TMEM170A: variants seen among roughly 807,000 people sequenced by gnomAD.
The protein encoded by TMEM170A is transmembrane protein 170A, also known as transmembrane protein 170.
In TMEM170A, 18 loss-of-function variants were observed where a neutral mutation model predicts 12.8. The observed-to-expected ratio is 1.41, with a 90% confidence interval of 0.97 to 2.09. TMEM170A has a LOEUF of 2.09. TMEM170A is among the 30% of genes most tolerant of loss of function. TMEM170A has a pLI of 0.00. For missense variants in TMEM170A, 220 were observed against 179.9 expected (o/e 1.22, Z -1.28); for synonymous variants, 107 against 76.2 (o/e 1.40, Z -2.11).
At chr16:75,463,492 G>A (rs1294548537) in intron 1 of TMEM170A, among the ~76,000 whole-genome samples, 1 of 152,126 alleles carries the variant, frequency 6.6e-6, no homozygotes, top group Non-Finnish European at 1.5e-5. Flanking sequence ...TCCGCTGAAC[G>A]GCGCCTGGCA....
At position 75,454,784 on chromosome 16, in the gene TMEM170A, C is replaced by G. The variant is rs573334857; in HGVS notation, c.134-2945G>C. On this transcript the variant is annotated intron_variant, in intron 1 of 2. Transcript: ENST00000561878. ...TAACGGTTGTCATGACATTATTCCACAGGCCCCACCTGACACTCCTAGTTG... is the reference window on the plus strand; with the variant it reads ...TAACGGTTGTCATGACATTATTCCAGAGGCCCCACCTGACACTCCTAGTTG... Among the ~76,000 whole-genome samples the G allele has an allele frequency of 2.0e-5, 3 of 152,304 alleles. No homozygotes were observed. The East Asian group carries it at 5.8e-4, about 29-fold the overall frequency.
intron 1 of TMEM170A, among the ~76,000 whole-genome samples, chr16:75,454,460 A>ACACG (rs67682621): frequency 1.0e-4 from 1 of 9,812 alleles, no homozygotes; most frequent in African/African-American, 2.2e-4. Flanking sequence ...CTCTAAAAAT[A>ACACG]CACACACATA....
At chr16:75,458,884 C>T (rs1381417195) in intron 1 of TMEM170A, 1 of 152,086 alleles carries the variant, frequency 6.6e-6, no homozygotes, top group Non-Finnish European at 1.5e-5. Context: ...TATATTTTTA[C>T]AGAGACATAT....
Position 75,443,265 on chromosome 16 carries a change from T to TA in TMEM170A, c.*4292dup, listed in dbSNP as rs1324282321. On this transcript the variant is annotated 3_prime_UTR_variant, in exon 3 of 3. Coordinates refer to ENST00000561878, the MANE Select transcript of TMEM170A (RefSeq NM_145254.3). ...AGAATTGAAAGTAATTTTTTATTGATAAACATTTACACTAGAATTAGAAAT... is the reference window on the plus strand; with the variant it reads ...AGAATTGAAAGTAATTTTTTATTGATAAAACATTTACACTAGAATTAGAAAT... 6.6e-6 allele frequency: 1 copy of TA among 152,220 alleles called. No homozygotes were observed. The allele number at this position is 152,220 out of a possible 1,614,324, so 9.4% of individuals were successfully genotyped here. A position where few individuals can be genotyped will look rare whatever the true frequency, so the allele number is the denominator to read the frequency against.
intron 1 of TMEM170A, among the ~76,000 whole-genome samples, 163 bp from the exon 2 acceptor site, chr16:75,452,002 C>A (rs1027275107): frequency 6.6e-6 from 1 of 151,942 alleles, no homozygotes; most frequent in East Asian, 1.9e-4. Flanking sequence ...GACGGAGTCT[C>A]GCTCTGTCAC....
chr16:75,464,376 C>G (rs1003524489), intron 1 of TMEM170A, 92 bp downstream of exon 1: 3 of 1,377,738 alleles, frequency 2.2e-6, no homozygotes, highest in Non-Finnish European at 2.8e-6. Context: ...CAGCAGGCTG[C>G]GCACCCGGGA....
At position 75,444,984 on chromosome 16, in the gene TMEM170A, T is replaced by TTA. The variant is rs1383851281; in HGVS notation, c.*2572_*2573dup. The stretch of plus-strand genomic sequence containing the variant: ...GCCCACTAACTACTGGTCTATATGT[T>TTA]TAGTGTATGAAATTACATCCAAAGA... On this transcript the variant is annotated 3_prime_UTR_variant, in exon 3 of 3. Transcript: ENST00000561878. The TTA allele has an allele frequency of 6.6e-6, 1 of 152,122 alleles. No individual in the cohort carries two copies. Among genetic ancestry groups the TTA allele is most frequent in the Non-Finnish European group, 1.5e-5 (1 of 67,986 alleles). The allele number at this position is 152,122 out of a possible 1,614,324, so 9.4% of individuals were successfully genotyped here.
chr16:75,458,689 C>T (rs570349344), intron 1 of TMEM170A: 20 of 152,304 alleles, frequency 1.3e-4, no homozygotes, highest in African/African-American at 3.4e-4. Flanking sequence ...ACAATAAAAT[C>T]TGTATGGCTT....
Position 75,464,594 on chromosome 16 carries a change from G to A in TMEM170A, c.7C>T (p.Arg3Cys), listed in dbSNP as rs747386591. 4.4e-6 allele frequency: 7 copies of A among 1,583,664 alleles called. No homozygotes were observed. The South Asian group carries it at 4.5e-5, about 10-fold the overall frequency. Residue 3 changes from arginine (R) to cysteine (C), a missense_variant, in exon 1 of 3, where the codon CGC becomes TGC. Physicochemically the swap from Arg to Cys is radical, Grantham distance 180 (BLOSUM62 -3). Coordinates refer to ENST00000561878, the MANE Select transcript of TMEM170A (RefSeq NM_145254.3). MEREGSGGSGGSA... is the reference protein window; with the variant it reads MECEGSGGSGGSA... ...CCGCCGCTGCCGCCGCTCCCCTCGC[G>A]CTCCATCCCGTCGCCATTCACCACA...
chr16:75,451,534 AG>A, intron 2 of TMEM170A, 134 bp downstream of exon 2: 1 of 898,060 alleles, frequency 1.1e-6, no homozygotes. Context: ...TTGGTGACAT[AG>A]GGAGACCCTG....
intron 1 of TMEM170A, among the ~76,000 whole-genome samples, chr16:75,453,774 T>C (rs958894363): frequency 3.9e-5 from 6 of 152,236 alleles, no homozygotes; most frequent in Admixed American, 3.3e-4. Context: ...AGAACTCTAA[T>C]CACTCTTAAG....
chr16:75,452,580 G>A (rs757400439), intron 1 of TMEM170A: 1 of 152,192 alleles, frequency 6.6e-6, no homozygotes, highest in East Asian at 1.9e-4. Context: ...CAAAGTGCTA[G>A]GATAACAGGC....
intron 2 of TMEM170A, chr16:75,451,344 G>A (rs1241105845): frequency 4.7e-6 from 2 of 425,834 alleles, no homozygotes; most frequent in Non-Finnish European, 8.4e-6. Context: ...GAGCTCAGGA[G>A]TTCGAGACCC....
At chr16:75,451,966 T>G (rs1353555819) in intron 1 of TMEM170A, 127 bp from the exon 2 acceptor site, 3 of 878,690 alleles carry the variant, frequency 3.4e-6, no homozygotes, top group Non-Finnish European at 5.1e-6. Context: ...TTTGAAAAAT[T>G]TTTATTATTT....
At position 75,464,339 on chromosome 16, in the gene TMEM170A, C is replaced by A. The variant is rs1236232336; in HGVS notation, c.133+129G>T. 53 of 1,378,264 alleles carry A rather than the reference C, an allele frequency of 3.8e-5. 1 individual carries two copies. In the East Asian group the frequency reaches 1.2e-3, roughly 31 times the overall value. 85.4% of individuals were successfully genotyped at this position (1,378,264 alleles called of 1,614,324 possible). A position where few individuals can be genotyped will look rare whatever the true frequency, so the allele number is the denominator to read the frequency against. ...GGCTCCGGGCGAGCAGCACGGCCCC[C>A]CTCCCGGAGGACAGCGCCCACGCCG... On this transcript the variant is annotated intron_variant, in intron 1 of 2. Coordinates refer to ENST00000561878, the MANE Select transcript of TMEM170A (RefSeq NM_145254.3).
At chr16:75,449,091 A>G (rs889538636) in intron 2 of TMEM170A, among the ~76,000 whole-genome samples, 3 of 151,920 alleles carry the variant, frequency 2.0e-5, no homozygotes, top group Admixed American at 6.6e-5. Flanking sequence ...AATAATAAAA[A>G]TTTTAAAAAG....
At chr16:75,463,661 T>C (rs539504155) in intron 1 of TMEM170A, among the ~76,000 whole-genome samples, 4 of 152,344 alleles carry the variant, frequency 2.6e-5, no homozygotes, top group Admixed American at 2.0e-4. Flanking sequence ...CGGGCTCTAG[T>C]CTTCTTGCCT....
At position 75,447,664 on chromosome 16, in the gene TMEM170A, C is replaced by A; in HGVS notation, c.329G>T (p.Arg110Leu). Residue 110 changes from arginine (R) to leucine (L), a missense_variant, in exon 3 of 3, where the codon CGA becomes CTA. By Grantham distance (102) the Arg-to-Leu change is moderately radical. Transcript: ENST00000561878. ...TGGTATCATTTCCTTCCCTGCTGCT[C>A]GGTAAACTCCAGCAATAGCTGCACC... ...LTSAAIAGVY[R>L]AAGKEMIPFE... 6.2e-7 allele frequency: 1 copy of A among 1,603,752 alleles called. No homozygotes were observed. Among genetic ancestry groups the A allele is most frequent in the Non-Finnish European group, 8.5e-7 (1 of 1,175,930 alleles).
intron 1 of TMEM170A, among the ~76,000 whole-genome samples, chr16:75,460,510 C>T (rs1384817555): frequency 3.3e-5 from 5 of 152,166 alleles, no homozygotes; most frequent in Admixed American, 2.0e-4. Context: ...GCCTAGAACA[C>T]ATGCTCTTCC....
Sources: allele counts gnomAD v4.1 joint callset (sites outside exome capture counted in the v4.1 genomes callset), GRCh38; gene constraint gnomAD v4.1.1; transcripts MANE v1.5; gene names NCBI Gene and HGNC (gene_info 2026-07-23, HGNC 2026-07-21).